OPCML: variants seen among roughly 807,000 people sequenced by gnomAD.
OPCML encodes the protein opioid-binding protein/cell adhesion molecule.
In OPCML, 13 loss-of-function variants were observed where a neutral mutation model predicts 37.8. The ratio of observed to expected loss-of-function variants is 0.34; its 90% CI spans 0.22 to 0.55. The LOEUF (loss-of-function observed/expected upper bound fraction) is 0.55, where lower values mean the gene tolerates loss of function less well. Among genes scored for constraint, OPCML ranks in the 20% least tolerant of loss-of-function variants. The pLI, the probability that OPCML is intolerant of heterozygous loss-of-function variation, is 0.91. For missense variants in OPCML, 341 were observed against 435.6 expected (o/e 0.78, Z 1.93); for synonymous variants, 176 against 168.8 (o/e 1.04, Z -0.33).
intron 1 of OPCML, among the ~76,000 whole-genome samples, chr11:133,083,408 C>T (rs1948771265): frequency 6.6e-6 from 1 of 152,306 alleles, no homozygotes; most frequent in Admixed American, 6.5e-5. Flanking sequence ...GGGTCGCTGG[C>T]TGCGGAGAGG....
At chr11:133,022,641 C>A (rs1947475486) in intron 1 of OPCML, among the ~76,000 whole-genome samples, 1 of 152,042 alleles carries the variant, frequency 6.6e-6, no homozygotes, top group South Asian at 2.1e-4. Context: ...GAACAGAAGT[C>A]CAGATAAATA....
intron 3 of OPCML, among the ~76,000 whole-genome samples, chr11:132,641,474 C>T (rs1427189153): frequency 6.6e-6 from 1 of 152,152 alleles, no homozygotes; most frequent in Admixed American, 6.5e-5. Flanking sequence ...GCCTGGACAC[C>T]TGCTGATTGC....
intron 1 of OPCML, among the ~76,000 whole-genome samples, chr11:133,316,289 A>G (rs988021455): frequency 1.3e-5 from 2 of 152,194 alleles, no homozygotes; most frequent in African/African-American, 2.4e-5. Context: ...TCAACCATAC[A>G]AAGAACCAAG....
At chr11:133,528,030 C>T (rs1591601906) in intron 1 of OPCML, among the ~76,000 whole-genome samples, 1 of 152,228 alleles carries the variant, frequency 6.6e-6, no homozygotes, top group Non-Finnish European at 1.5e-5. Flanking sequence ...AAAGAATCTC[C>T]TTCTGTAATT....
chr11:133,507,628 A>G (rs1224367392), intron 1 of OPCML, among the ~76,000 whole-genome samples: 4 of 152,192 alleles, frequency 2.6e-5, no homozygotes, highest in Non-Finnish European at 5.9e-5. Flanking sequence ...CAGTTGTAGA[A>G]GTGGCCACTG....
chr11:133,062,545 T>C (rs1424979226), intron 1 of OPCML, among the ~76,000 whole-genome samples: 1 of 152,216 alleles, frequency 6.6e-6, no homozygotes, highest in African/African-American at 2.4e-5. Flanking sequence ...GTCAAGGATT[T>C]TGGTAAAGGT....
chr11:133,005,281 AGAATGAAT>A (rs1297919944), intron 1 of OPCML: 1 of 985,452 alleles, frequency 1.0e-6, no homozygotes, highest in African/African-American at 1.7e-5. Flanking sequence ...ATCAATAGCC[AGAATGAAT>A]GAATGAATGG....
chr11:133,039,019 G>C (rs142557805), intron 1 of OPCML, among the ~76,000 whole-genome samples: 354 of 152,320 alleles, frequency 2.3e-3, no homozygotes, highest in Middle Eastern at 0.01. Context: ...TAGCAGTAAA[G>C]TGGCAAATGC....
chr11:132,531,045 C>T (rs1424776288), intron 3 of OPCML, among the ~76,000 whole-genome samples: 1 of 152,152 alleles, frequency 6.6e-6, no homozygotes, highest in African/African-American at 2.4e-5. Context: ...TGAACATGCT[C>T]TGTGTATGGC....
At chr11:133,529,661 T>C (rs184576935) in intron 1 of OPCML, among the ~76,000 whole-genome samples, 1 of 152,342 alleles carries the variant, frequency 6.6e-6, no homozygotes, top group East Asian at 1.9e-4. Context: ...AAAATGGCAT[T>C]GAGGCCTAAC....
intron 3 of OPCML, among the ~76,000 whole-genome samples, chr11:132,611,126 A>G (rs896446296): frequency 6.6e-6 from 1 of 152,318 alleles, no homozygotes; most frequent in East Asian, 1.9e-4. Context: ...TTTGGTTTTC[A>G]CGTATAAAGT....
intron 2 of OPCML, among the ~76,000 whole-genome samples, chr11:132,701,385 AC>A (rs1479341996): frequency 6.6e-6 from 1 of 152,184 alleles, no homozygotes; most frequent in Non-Finnish European, 1.5e-5. Flanking sequence ...GCACAGCCAA[AC>A]CATATCAATG....
intron 1 of OPCML, among the ~76,000 whole-genome samples, chr11:132,975,476 T>G (rs1160097899): frequency 8.1e-6 from 1 of 124,102 alleles, no homozygotes; most frequent in Non-Finnish European, 1.6e-5. Context: ...ACTTTTCAGA[T>G]TCCCTTAATT....
intron 2 of OPCML, among the ~76,000 whole-genome samples, chr11:132,718,974 C>T (rs1274593363): frequency 6.6e-6 from 1 of 152,206 alleles, no homozygotes; most frequent in African/African-American, 2.4e-5. Context: ...CATGGCTTTA[C>T]GGTCAATCGT....
chr11:132,683,049 C>T (rs1369201331), intron 2 of OPCML, among the ~76,000 whole-genome samples: 1 of 152,188 alleles, frequency 6.6e-6, no homozygotes, highest in Non-Finnish European at 1.5e-5. Context: ...TAGCACACAA[C>T]TTATATCTAA....
intron 1 of OPCML, among the ~76,000 whole-genome samples, chr11:132,989,666 G>T (rs1459877923): frequency 6.7e-6 from 1 of 148,538 alleles, no homozygotes; most frequent in Non-Finnish European, 1.5e-5. Context: ...TGGAGGTGTG[G>T]ATCTGTGGTT....
intron 1 of OPCML, among the ~76,000 whole-genome samples, chr11:133,070,493 C>T (rs1265657739): frequency 2.0e-5 from 3 of 152,162 alleles, no homozygotes; most frequent in African/African-American, 4.8e-5. Flanking sequence ...ATGTGATGGC[C>T]AGAGGCGGGC....
chr11:132,830,052 C>A (rs1034617912), intron 2 of OPCML, among the ~76,000 whole-genome samples: 1 of 152,180 alleles, frequency 6.6e-6, no homozygotes, highest in Non-Finnish European at 1.5e-5. Flanking sequence ...TATGGCACCG[C>A]TGGTTTGCAA....
chr11:133,042,086 A>G (rs1785835240), intron 1 of OPCML, among the ~76,000 whole-genome samples: 1 of 152,034 alleles, frequency 6.6e-6, no homozygotes, highest in Admixed American at 6.6e-5. Flanking sequence ...ACACTGACTA[A>G]TCACCACCAT....
Sources: allele counts gnomAD v4.1 joint callset (sites outside exome capture counted in the v4.1 genomes callset), GRCh38; gene constraint gnomAD v4.1.1; transcripts MANE v1.5; gene names NCBI Gene and HGNC (gene_info 2026-07-23, HGNC 2026-07-21).